The following FSTL4 variants were observed in gnomAD, a reference collection of about 807,000 sequenced individuals.
The protein encoded by FSTL4 is follistatin-related protein 4.
Under a neutral mutation model 78.2 loss-of-function variants are expected in FSTL4, and 28 were observed. That is an observed-to-expected ratio of 0.36 (90% CI 0.27 to 0.49). The LOEUF (loss-of-function observed/expected upper bound fraction) is 0.49. Among genes scored for constraint, FSTL4 ranks in the 20% least tolerant of loss-of-function variants. FSTL4 has a pLI of 0.98. For synonymous variants in FSTL4, 422 were observed against 440.5 expected, an observed-to-expected ratio of 0.96 and a Z score of 0.53; for missense variants, 922 against 1,084.9, an observed-to-expected ratio of 0.85 and a Z score of 2.11.
At chr5:133,586,293 T>A in intron 2 of FSTL4, among the ~76,000 whole-genome samples, 2 of 92,428 alleles carry the variant, frequency 2.2e-5, no homozygotes, top group Admixed American at 1.2e-4. Context: ...AGAGCAGAAC[T>A]GAAGGAAATA....
chr5:133,249,479 G>A lies in FSTL4; in HGVS notation c.825C>T (p.Asp275=), dbSNP rs765471776. 3 of 1,613,702 alleles carry A rather than the reference G, an allele frequency of 1.9e-6. No homozygotes were observed. The highest frequency in any genetic ancestry group is 2.5e-6 in the Non-Finnish European group (3 of 1,179,694). ...STVLTCAVHG[D]LRPPIIWKRN... ...GCTTCCAGATGATTGGTGGCCTCAG[G>A]TCTCCATGGACGGCGCAGGTCAGCA... is the stretch of plus-strand genomic sequence containing the variant. Residue 275 remains aspartate (D), a synonymous_variant, in exon 7 of 16, where the codon GAC becomes GAT. Transcript: ENST00000265342.
intron 3 of FSTL4, among the ~76,000 whole-genome samples, chr5:133,445,005 C>T (rs894987418): frequency 1.3e-5 from 2 of 152,178 alleles, no homozygotes; most frequent in Admixed American, 6.5e-5. Flanking sequence ...CCAAGCTGGG[C>T]GCAGATGGAA....
chr5:133,771,168 C>T, the FSTL4 span, among the ~76,000 whole-genome samples: 1 of 151,950 alleles, frequency 6.6e-6, no homozygotes, highest in South Asian at 2.1e-4. Context: ...TTGCCTTCAG[C>T]TTTGTTCTTT....
At chr5:133,524,222 C>T (rs1580765151) in intron 3 of FSTL4, among the ~76,000 whole-genome samples, 1 of 152,180 alleles carries the variant, frequency 6.6e-6, no homozygotes, top group Non-Finnish European at 1.5e-5. Context: ...TGAACGGAGA[C>T]AGGCAGGCAG....
the FSTL4 span, among the ~76,000 whole-genome samples, chr5:133,703,032 C>T: frequency 1.3e-5 from 2 of 152,152 alleles, no homozygotes; most frequent in African/African-American, 2.4e-5. Context: ...GCAGGAGAGC[C>T]GTGTCACCTA....
the FSTL4 span, among the ~76,000 whole-genome samples, chr5:133,679,966 G>A: frequency 2.6e-5 from 4 of 152,138 alleles, no homozygotes; most frequent in African/African-American, 7.2e-5. Context: ...ATGCACATGT[G>A]GCCATGGATA....
At chr5:133,811,686 T>A in the FSTL4 span, among the ~76,000 whole-genome samples, 1 of 152,236 alleles carries the variant, frequency 6.6e-6, no homozygotes, top group Non-Finnish European at 1.5e-5. Flanking sequence ...CTGTTCTCTT[T>A]CCCTGCTCAG....
chr5:133,215,976 G>A (rs1010568543), intron 13 of FSTL4, among the ~76,000 whole-genome samples: 2 of 152,056 alleles, frequency 1.3e-5, no homozygotes, highest in African/African-American at 4.8e-5. Flanking sequence ...ATCCTTAATT[G>A]AAACACATCT....
At chr5:133,442,081 C>A (rs149918836) in intron 3 of FSTL4, among the ~76,000 whole-genome samples, 1 of 152,184 alleles carries the variant, frequency 6.6e-6, no homozygotes, top group Non-Finnish European at 1.5e-5. Flanking sequence ...AGGTCAGAGG[C>A]AGGGCCACAC....
At chr5:133,739,895 C>CTT in the FSTL4 span, among the ~76,000 whole-genome samples, 63 of 138,424 alleles carry the variant, frequency 4.6e-4, no homozygotes, top group East Asian at 1.3e-3. Flanking sequence ...TAAGCTCTGT[C>CTT]TTTTTTTTTT....
intron 4 of FSTL4, among the ~76,000 whole-genome samples, chr5:133,392,036 AAGGGTTCGAGC>A (rs1251598725): frequency 1.3e-5 from 2 of 152,198 alleles, no homozygotes; most frequent in Non-Finnish European, 2.9e-5. Context: ...AACTGGACAG[AAGGGTTCGAGC>A]AGGACAGCAC....
intron 3 of FSTL4, among the ~76,000 whole-genome samples, chr5:133,497,917 C>T (rs957865152): frequency 3.3e-5 from 5 of 152,268 alleles, no homozygotes; most frequent in East Asian, 3.9e-4. Flanking sequence ...TTCTGCTGAA[C>T]GCATACTAAG....
At chr5:133,305,027 G>A (rs1561664260) in intron 6 of FSTL4, among the ~76,000 whole-genome samples, 1 of 152,194 alleles carries the variant, frequency 6.6e-6, no homozygotes, top group Non-Finnish European at 1.5e-5. Context: ...TAGCAAGGGA[G>A]AGCCAAAAAG....
the FSTL4 span, among the ~76,000 whole-genome samples, chr5:133,810,002 T>G: frequency 1.3e-5 from 2 of 152,210 alleles, no homozygotes; most frequent in African/African-American, 4.8e-5. Context: ...CAATACACAA[T>G]TACACAAAGA....
the FSTL4 span, among the ~76,000 whole-genome samples, chr5:133,829,544 T>C: frequency 6.6e-6 from 1 of 152,004 alleles, no homozygotes; most frequent in African/African-American, 2.4e-5. Context: ...CCAAAGTGAG[T>C]AGGGAGAAGA....
chr5:133,207,655 A>AT (rs1252229684), intron 14 of FSTL4, among the ~76,000 whole-genome samples: 2 of 151,924 alleles, frequency 1.3e-5, no homozygotes, highest in Non-Finnish European at 2.9e-5. Flanking sequence ...ACTTTTGTTT[A>AT]TTTTTTGAAA....
chr5:133,601,495 C>G (rs946343378), intron 2 of FSTL4, among the ~76,000 whole-genome samples: 2 of 152,226 alleles, frequency 1.3e-5, no homozygotes, highest in East Asian at 3.9e-4. Context: ...GGAGGAGAGT[C>G]AGGTGTAGAA....
intron 11 of FSTL4, among the ~76,000 whole-genome samples, chr5:133,221,891 G>GT (rs59400068): frequency 0.03 from 1,316 of 43,294 alleles, 353 homozygotes; most frequent in East Asian, 0.057. Context: ...CTCTTTTCTA[G>GT]TTTTTTTTTT....
At chr5:133,709,252 A>G in the FSTL4 span, among the ~76,000 whole-genome samples, 3 of 152,198 alleles carry the variant, frequency 2.0e-5, no homozygotes, top group African/African-American at 7.2e-5. Context: ...TAGTGATTGG[A>G]CCAAACGTTT....
Sources: gnomAD v4.1 joint callset for allele counts (sites outside exome capture counted in the v4.1 genomes callset) on GRCh38, gnomAD v4.1.1 for gene constraint, MANE v1.5 for transcripts, NCBI Gene and HGNC (gene_info 2026-07-23, HGNC 2026-07-21) for gene names.